The following KCNQ5 variants were observed in gnomAD, a reference collection of about 807,000 sequenced individuals.
KCNQ5 encodes potassium voltage-gated channel subfamily Q member 5, also known as potassium voltage-gated channel subfamily KQT member 5.
A neutral mutation model predicts 98.2 loss-of-function variants in KCNQ5; 30 were observed. The observed-to-expected ratio is 0.31, with a 90% CI of 0.23 to 0.41. The LOEUF is 0.41. Among genes scored for constraint, KCNQ5 ranks in the 10% least tolerant of loss-of-function variants. KCNQ5 has a pLI of 1.00. For missense variants in KCNQ5, 835 were observed against 1,182.5 expected (o/e 0.71, Z 4.31); for synonymous variants, 458 against 449.4 (o/e 1.02, Z -0.24).
intron 1 of KCNQ5, among the ~76,000 whole-genome samples, chr6:72,761,021 C>T (rs138950560): frequency 1.3e-5 from 2 of 152,120 alleles, no homozygotes; most frequent in African/African-American, 2.4e-5. Flanking sequence ...TACATTTTCT[C>T]ATTTTGGGTG....
At chr6:72,887,692 T>A (rs1170880736) in intron 1 of KCNQ5, among the ~76,000 whole-genome samples, 1 of 152,180 alleles carries the variant, frequency 6.6e-6, no homozygotes, top group African/African-American at 2.4e-5. Flanking sequence ...GTAAATATAC[T>A]GATTAAATTT....
chr6:72,910,395 G>A (rs933125568), intron 1 of KCNQ5, among the ~76,000 whole-genome samples: 1 of 152,136 alleles, frequency 6.6e-6, no homozygotes, highest in Non-Finnish European at 1.5e-5. Context: ...ATTTGCCAGT[G>A]CATATAATGC....
chr6:72,654,677 T>C (rs963411989), intron 1 of KCNQ5, among the ~76,000 whole-genome samples: 5 of 152,090 alleles, frequency 3.3e-5, no homozygotes, highest in Non-Finnish European at 7.4e-5. Context: ...CACTTTTATA[T>C]AAATTGAATG....
intron 1 of KCNQ5, among the ~76,000 whole-genome samples, chr6:72,785,340 A>G (rs1439710276): frequency 6.6e-6 from 1 of 152,086 alleles, no homozygotes; most frequent in Non-Finnish European, 1.5e-5. Context: ...TGACAAGGAT[A>G]GGGAGTTAGT....
At chr6:73,044,220 C>T (rs1399783866) in intron 3 of KCNQ5, among the ~76,000 whole-genome samples, 2 of 152,170 alleles carry the variant, frequency 1.3e-5, no homozygotes, top group Non-Finnish European at 2.9e-5. Context: ...TTTGAGGCTG[C>T]AGTGAGCCAT....
At chr6:72,696,191 A>G (rs1768487473) in intron 1 of KCNQ5, among the ~76,000 whole-genome samples, 1 of 152,212 alleles carries the variant, frequency 6.6e-6, no homozygotes, top group African/African-American at 2.4e-5. Flanking sequence ...CAATGGTTTT[A>G]ATCATGAAAA....
At chr6:73,030,373 G>A (rs143954586) in intron 2 of KCNQ5, among the ~76,000 whole-genome samples, 2 of 152,254 alleles carry the variant, frequency 1.3e-5, no homozygotes, top group African/African-American at 4.8e-5. Flanking sequence ...AACTGACTGA[G>A]TTTCAATATC....
chr6:73,165,047 T>C (rs1014349368), intron 10 of KCNQ5, among the ~76,000 whole-genome samples: 6 of 152,014 alleles, frequency 3.9e-5, no homozygotes, highest in Admixed American at 3.3e-4. Context: ...AGTACAATCA[T>C]AGCTAACTGT....
chr6:72,877,670 A>T (rs1273498934), intron 1 of KCNQ5, among the ~76,000 whole-genome samples: 2 of 152,216 alleles, frequency 1.3e-5, no homozygotes, highest in Non-Finnish European at 2.9e-5. Flanking sequence ...GAACTAATTT[A>T]CACTCCCACC....
At chr6:73,088,038 T>TC (rs1554206948) in intron 5 of KCNQ5, among the ~76,000 whole-genome samples, 1 of 150,776 alleles carries the variant, frequency 6.6e-6, no homozygotes, top group African/African-American at 2.4e-5. Context: ...TTTTTTTTTT[T>TC]CCAGATGGAG....
At chr6:72,665,741 A>C (rs547642547) in intron 1 of KCNQ5, among the ~76,000 whole-genome samples, 3 of 152,300 alleles carry the variant, frequency 2.0e-5, no homozygotes, top group Admixed American at 2.0e-4. Flanking sequence ...GAGTTGCCGC[A>C]TGAGGGTGAT....
intron 1 of KCNQ5, among the ~76,000 whole-genome samples, chr6:72,961,593 G>A (rs1767355641): frequency 7.4e-6 from 1 of 135,902 alleles, no homozygotes; most frequent in Non-Finnish European, 1.5e-5. Flanking sequence ...CTGCACTCCA[G>A]CCTGGGTGAC....
At position 73,194,714 on chromosome 6, in the gene KCNQ5, A is replaced by C; in HGVS notation, c.2099A>C (p.Gln700Pro). 1 of 1,614,276 alleles carries C rather than the reference A, an allele frequency of 6.2e-7. No homozygotes were observed. The highest frequency in any genetic ancestry group is 8.5e-7 in the Non-Finnish European group (1 of 1,180,050). ...FILTPNEFSA[Q>P]TFYALSPTMH... ...CTGACGCCAAATGAGTTCAGTGCCC[A>C]GACTTTCTACGCGCTTAGCCCTACT... is the stretch of plus-strand genomic sequence containing the variant. The change falls in exon 14 of 14, where the codon CAG becomes CCG. Residue 700 changes from glutamine (Q) to proline (P), a missense_variant. Physicochemically the swap from Gln to Pro is moderately conservative, Grantham distance 76. Transcript: ENST00000370398.
At chr6:72,859,297 G>A (rs901764119) in intron 1 of KCNQ5, among the ~76,000 whole-genome samples, 1 of 151,944 alleles carries the variant, frequency 6.6e-6, no homozygotes, top group Non-Finnish European at 1.5e-5. Flanking sequence ...CCAGTCAATG[G>A]CATTGAACAC....
At chr6:73,054,145 A>T (rs1440548264) in intron 3 of KCNQ5, among the ~76,000 whole-genome samples, 3 of 152,208 alleles carry the variant, frequency 2.0e-5, no homozygotes, top group East Asian at 3.8e-4. Flanking sequence ...TTGAACCAGG[A>T]AGAAATTGAA....
At chr6:72,737,075 C>G (rs1170526367) in intron 1 of KCNQ5, among the ~76,000 whole-genome samples, 2 of 152,254 alleles carry the variant, frequency 1.3e-5, no homozygotes, top group East Asian at 3.9e-4. Flanking sequence ...ATTCTCCTGC[C>G]TCAGCCTCCC....
At chr6:72,790,421 C>T (rs75934643) in intron 1 of KCNQ5, among the ~76,000 whole-genome samples, 6,614 of 152,186 alleles carry the variant, frequency 0.043, 455 homozygotes, top group African/African-American at 0.15. Context: ...TTCGCATGTT[C>T]TCACTTATTT....
intron 1 of KCNQ5, among the ~76,000 whole-genome samples, chr6:72,847,595 T>C (rs975108003): frequency 2.0e-5 from 3 of 152,200 alleles, no homozygotes; most frequent in African/African-American, 7.2e-5. Context: ...CAAAACCCCG[T>C]TAGATCTCCC....
At chr6:73,024,446 G>A (rs987063963) in intron 2 of KCNQ5, among the ~76,000 whole-genome samples, 9 of 149,488 alleles carry the variant, frequency 6.0e-5, no homozygotes, top group Non-Finnish European at 3.0e-5. Flanking sequence ...CTCAAAGTTT[G>A]GGGTTTGCAG....
Sources: allele counts gnomAD v4.1 joint callset (sites outside exome capture counted in the v4.1 genomes callset), GRCh38; gene constraint gnomAD v4.1.1; transcripts MANE v1.5; gene names NCBI Gene and HGNC (gene_info 2026-07-23, HGNC 2026-07-21).